The following LRCH3 variants were observed in gnomAD, a reference collection of about 807,000 sequenced individuals.
LRCH3 encodes DISP complex protein LRCH3.
In LRCH3, 68 loss-of-function variants were observed where a neutral mutation model predicts 104.5. The ratio of observed to expected loss-of-function variants is 0.65; its 90% confidence interval spans 0.54 to 0.80. LRCH3 has a LOEUF of 0.80. Ranked by LOEUF, LRCH3 falls within the 30% of genes least tolerant of loss-of-function variation. The pLI, the probability that LRCH3 is intolerant of heterozygous loss-of-function variation, is 0.00. For missense variants in LRCH3, 951 were observed against 953.9 expected (o/e 1.00, Z 0.04); for synonymous variants, 344 against 361.3 (o/e 0.95, Z 0.54).
intron 17 of LRCH3, among the ~76,000 whole-genome samples, chr3:197,867,830 G>C (rs1165071864): frequency 1.3e-5 from 2 of 152,094 alleles, no homozygotes; most frequent in Non-Finnish European, 2.9e-5. Context: ...ACTCCAGCCT[G>C]GGTGACAGAG....
intron 15 of LRCH3, among the ~76,000 whole-genome samples, chr3:197,862,149 C>G (rs1455459289): frequency 6.6e-6 from 1 of 152,144 alleles, no homozygotes; most frequent in Non-Finnish European, 1.5e-5. Context: ...GCGCATGCCA[C>G]CACGCCCAGC....
intron 18 of LRCH3, among the ~76,000 whole-genome samples, chr3:197,870,656 G>A (rs1336454408): frequency 2.0e-5 from 3 of 152,234 alleles, no homozygotes; most frequent in South Asian, 2.1e-4. Flanking sequence ...GTGAGCTTCC[G>A]CGCCCGGCTG....
At chr3:197,807,411 C>T (rs1442616323) in intron 1 of LRCH3, among the ~76,000 whole-genome samples, 10 of 151,808 alleles carry the variant, frequency 6.6e-5, no homozygotes, top group African/African-American at 2.2e-4. Flanking sequence ...TTAGTAGAGA[C>T]GGGGTTTCAC....
At position 197,883,585 on chromosome 3, in the gene LRCH3, G is replaced by A; in HGVS notation, c.2253G>A (p.Leu751=). Residue 751 remains leucine (L), a synonymous_variant, in exon 21 of 21, where the codon TTG becomes TTA. Coordinates refer to ENST00000425562, the MANE Select transcript of LRCH3 (RefSeq NM_001365715.1). The surrounding 1 kb of genome is among the most constrained non-coding windows in gnomAD (Gnocchi z 4.2). Reference sequence around the variant, plus strand: ...TCCACATTTTAGAAGAGAAAGGTTTGAGCCAGGTTGCAGTGACGGTCCAGG... The same window carrying A: ...TCCACATTTTAGAAGAGAAAGGTTTAAGCCAGGTTGCAGTGACGGTCCAGG... The part of the protein sequence containing the change: ...LPLHILEEKG[L]SQVAVTVQAL... The A allele has an allele frequency of 5.2e-6, 8 of 1,536,040 alleles. No homozygotes were observed. The highest frequency in any genetic ancestry group is 7.0e-6 in the Non-Finnish European group (8 of 1,146,876).
In LRCH3 at chr3:197,856,871, T is replaced by G. The variant is rs898445083; in HGVS notation, c.1645-1963T>G. Among the ~76,000 whole-genome samples, 3 of 152,020 alleles carry G rather than the reference T, an allele frequency of 2.0e-5. No individual in the cohort carries two copies. Among genetic ancestry groups the G allele is most frequent in the Non-Finnish European group, 4.4e-5 (3 of 68,046 alleles). On this transcript the variant is annotated intron_variant, in intron 14 of 20. Coordinates refer to ENST00000425562, the MANE Select transcript of LRCH3 (RefSeq NM_001365715.1). The surrounding 1 kb of genome is among the most constrained non-coding windows in gnomAD (Gnocchi z 4.2). ...ATATAAATTCTGTGCATCTACTGAT[T>G]ATTAAATTGTTTTGTGATGAAAAGG... is the stretch of plus-strand genomic sequence containing the variant.
rs1739704955 is a variant in LRCH3, at chr3:197,852,227, TAG to T, written c.1531-329_1531-328del. On this transcript the variant is annotated intron_variant, in intron 12 of 20. Transcript: ENST00000425562. The stretch of plus-strand genomic sequence containing the variant: ...TATGAGGTGGAGTGGGGTTTCCAAG[TAG>T]AGAGTTTCCATAGACAGTTGAAAAC... 3 of 211,392 alleles carry T rather than the reference TAG, an allele frequency of 1.4e-5. No homozygotes were observed. The South Asian group carries it at 3.0e-4, about 21-fold the overall frequency. 13.1% of individuals were successfully genotyped at this position (211,392 alleles called of 1,614,324 possible). A position where few individuals can be genotyped will look rare whatever the true frequency, so the allele number is the denominator to read the frequency against.
rs1161907457 is a variant in LRCH3 at position 197,829,664 on chromosome 3, T to G, written c.878T>G (p.Phe293Cys). Residue 293 changes from phenylalanine to cysteine, a missense_variant, in exon 6 of 21, where the codon TTT becomes TGT. By Grantham distance (205) the Phe-to-Cys change is radical. Coordinates refer to ENST00000425562, the MANE Select transcript of LRCH3 (RefSeq NM_001365715.1). ...GATTATGATAGGAGACCGTTGGGTTTTGGCTCCTGGTAAGTATATTCTGTC... is the reference window on the plus strand; with the variant it reads ...GATTATGATAGGAGACCGTTGGGTTGTGGCTCCTGGTAAGTATATTCTGTC... ...LPDYDRRPLG[F>C]GSCHEELYSS... 1.2e-6 allele frequency: 2 copies of G among 1,609,636 alleles called. No homozygotes were observed. The highest frequency in any genetic ancestry group is 1.7e-6 in the Non-Finnish European group (2 of 1,177,392).
chr3:197,844,863 G>C (rs9811198), intron 10 of LRCH3, among the ~76,000 whole-genome samples: 2 of 151,594 alleles, frequency 1.3e-5, no homozygotes, highest in East Asian at 3.9e-4. Flanking sequence ...TTTGTGATCC[G>C]CCCGCCTCGG....
At chr3:197,837,701 A>G (rs1324142375) in intron 9 of LRCH3, among the ~76,000 whole-genome samples, 2 of 151,900 alleles carry the variant, frequency 1.3e-5, no homozygotes, top group African/African-American at 4.8e-5. Flanking sequence ...TCATTTTGTC[A>G]TGAAAATTTC....
At chr3:197,848,280 T>C in intron 12 of LRCH3, 2 of 375,910 alleles carry the variant, frequency 5.3e-6, no homozygotes, top group Non-Finnish European at 9.8e-6. Context: ...TCTAGTGTCA[T>C]AGTAAAGATC....
chr3:197,869,173 T>G (rs926590441), intron 17 of LRCH3, among the ~76,000 whole-genome samples: 8 of 151,420 alleles, frequency 5.3e-5, no homozygotes, highest in African/African-American at 2.0e-4. Flanking sequence ...TATACTGTAC[T>G]TGCAGGAAGT....
rs1256594060 is a variant in LRCH3 at position 197,883,378 on chromosome 3, C to G, written c.2209-163C>G. The G allele has an allele frequency of 1.8e-5, 25 of 1,390,378 alleles. No homozygotes were observed. In the South Asian group the frequency reaches 1.9e-4, roughly 11 times the overall value. The allele number at this position is 1,390,378 out of a possible 1,614,324, so 86.1% of individuals were successfully genotyped here. A position where few individuals can be genotyped will look rare whatever the true frequency, so the allele number is the denominator to read the frequency against. ...AGTGACAGTGAGTGTCAGACACCAT[C>G]TCTCTAACTCATATTTACACTGAGG... On this transcript the variant is annotated intron_variant, in intron 20 of 20. Coordinates refer to ENST00000425562, the MANE Select transcript of LRCH3 (RefSeq NM_001365715.1). The surrounding 1 kb of genome is among the most constrained non-coding windows in gnomAD (Gnocchi z 4.2).
intron 10 of LRCH3, among the ~76,000 whole-genome samples, chr3:197,841,087 C>T (rs1413797592): frequency 6.6e-6 from 1 of 152,186 alleles, no homozygotes; most frequent in Non-Finnish European, 1.5e-5. Flanking sequence ...TAGAACAACA[C>T]CTCTTTATTA....
chr3:197,814,834 T>C (rs1733621995), intron 1 of LRCH3, 74 bp from the exon 2 acceptor site: 2 of 1,270,972 alleles, frequency 1.6e-6, no homozygotes, highest in Admixed American at 5.3e-5. Context: ...TTTTAGTTTA[T>C]GTGGAAAATC....
intron 2 of LRCH3, among the ~76,000 whole-genome samples, chr3:197,816,889 T>C (rs1733864136): frequency 6.6e-6 from 1 of 152,134 alleles, no homozygotes; most frequent in South Asian, 2.1e-4. Context: ...AGTACCTCAT[T>C]ATTTACAAAG....
At chr3:197,861,177 C>G (rs969597286) in intron 15 of LRCH3, among the ~76,000 whole-genome samples, 1 of 152,080 alleles carries the variant, frequency 6.6e-6, no homozygotes, top group East Asian at 1.9e-4. Context: ...TCTGAGAAAC[C>G]TCCTCTGGTT....
chr3:197,842,875 A>G (rs989493629), intron 10 of LRCH3, among the ~76,000 whole-genome samples: 2 of 152,102 alleles, frequency 1.3e-5, no homozygotes, highest in Non-Finnish European at 2.9e-5. Flanking sequence ...ACCTGAGCTC[A>G]GGAGTTCCAG....
chr3:197,841,942 C>G (rs1580758529), intron 10 of LRCH3, among the ~76,000 whole-genome samples: 1 of 152,142 alleles, frequency 6.6e-6, no homozygotes, highest in South Asian at 2.1e-4. Context: ...AAGCAATCCT[C>G]CCACCTCAGC....
intron 3 of LRCH3, among the ~76,000 whole-genome samples, chr3:197,818,180 GTATT>G (rs1233071493): frequency 6.6e-6 from 1 of 151,984 alleles, no homozygotes; most frequent in African/African-American, 2.4e-5. Flanking sequence ...CACTTCTTGA[GTATT>G]TACCTTCTGA....
Sources: allele counts gnomAD v4.1 joint callset (sites outside exome capture counted in the v4.1 genomes callset), GRCh38; gene constraint gnomAD v4.1.1; non-coding constraint Gnocchi (gnomAD v3.1); transcripts MANE v1.5; gene names NCBI Gene and HGNC (gene_info 2026-07-23, HGNC 2026-07-21).